The following RNF182 variants were observed in gnomAD, a reference collection of about 807,000 sequenced individuals.
RNF182 encodes the protein E3 ubiquitin-protein ligase RNF182.
RNF182 carries 15 observed loss-of-function variants against 14.4 expected under a neutral mutation model. The ratio of observed to expected loss-of-function variants is 1.04; its 90% CI spans 0.70 to 1.60. The LOEUF (loss-of-function observed/expected upper bound fraction) is 1.60, where lower values mean the gene tolerates loss of function less well. RNF182 is among the 40% of genes most tolerant of loss of function. The pLI is 0.00. For synonymous variants in RNF182, 128 were observed against 122.9 expected (o/e 1.04, Z -0.27); for missense variants, 268 against 294.8 (o/e 0.91, Z 0.67).
At chr6:13,927,425 G>A (rs1758857499) in intron 1 of RNF182, among the ~76,000 whole-genome samples, 1 of 152,186 alleles carries the variant, frequency 6.6e-6, no homozygotes, top group South Asian at 2.1e-4. Flanking sequence ...CACGGGAGTA[G>A]GAGTCTTTTC....
intron 1 of RNF182, among the ~76,000 whole-genome samples, chr6:13,937,134 A>C (rs984475474): frequency 2.0e-5 from 3 of 152,250 alleles, no homozygotes; most frequent in African/African-American, 7.2e-5. Context: ...TTGTATAGAC[A>C]TAGGAAGCAT....
chr6:13,972,992 A>G (rs1760232170), intron 1 of RNF182, among the ~76,000 whole-genome samples: 3 of 152,198 alleles, frequency 2.0e-5, no homozygotes, highest in Admixed American at 6.5e-5. Context: ...CAGACATTCA[A>G]TGCCAGCCTG....
At chr6:13,931,285 G>A (rs1052887455) in intron 1 of RNF182, among the ~76,000 whole-genome samples, 61 of 152,124 alleles carry the variant, frequency 4.0e-4, no homozygotes, top group Admixed American at 3.9e-4. Context: ...AATGAACAAG[G>A]ACAAGGGCTA....
rs1240172309 is a variant in RNF182, at chr6:13,977,715, T to C, written c.596T>C (p.Leu199Ser). Reference sequence around the variant, plus strand: ...TTGCTCTACTTCAGCTCCTTACCCTTAGGAATCTACTTACTGGTGTCTAAG... The same window carrying C: ...TTGCTCTACTTCAGCTCCTTACCCTCAGGAATCTACTTACTGGTGTCTAAG... Reference protein sequence around the residue: ...LGLLYFSSLPLGIYLLVSKKV... With the variant: ...LGLLYFSSLPSGIYLLVSKKV... The change falls in exon 3 of 3, where the codon TTA becomes TCA. Residue 199 changes from leucine to serine, a missense_variant. By Grantham distance (145) the Leu-to-Ser change is moderately radical. Coordinates refer to ENST00000488300, the MANE Select transcript of RNF182 (RefSeq NM_152737.4). 11 of 1,614,038 alleles carry C rather than the reference T, an allele frequency of 6.8e-6. No homozygotes were observed. Among genetic ancestry groups the C allele is most frequent in the Non-Finnish European group, 9.3e-6 (11 of 1,180,020 alleles).
chr6:13,929,763 G>A (rs886800417), intron 1 of RNF182, among the ~76,000 whole-genome samples: 1 of 152,140 alleles, frequency 6.6e-6, no homozygotes, highest in Non-Finnish European at 1.5e-5. Context: ...TTTATGTCAA[G>A]GAATGCAGCA....
At chr6:13,948,655 TA>T (rs1343754576) in intron 1 of RNF182, among the ~76,000 whole-genome samples, 1 of 152,204 alleles carries the variant, frequency 6.6e-6, no homozygotes. Flanking sequence ...AGGTCCTACT[TA>T]AGTCCTAGTT....
At chr6:13,968,315 A>G (rs1187290126) in intron 1 of RNF182, among the ~76,000 whole-genome samples, 1 of 152,238 alleles carries the variant, frequency 6.6e-6, no homozygotes, top group Admixed American at 6.5e-5. Flanking sequence ...TTGAAAACCC[A>G]GAAGAAATGG....
At chr6:13,937,698 T>C (rs191100501) in intron 1 of RNF182, among the ~76,000 whole-genome samples, 14 of 152,346 alleles carry the variant, frequency 9.2e-5, no homozygotes, top group Admixed American at 8.5e-4. Context: ...TCATGGGTTA[T>C]ATGTATGATT....
At position 13,977,428 on chromosome 6, in the gene RNF182, GA is replaced by G; in HGVS notation, c.311del (p.Asn104ThrfsTer28). 6.2e-7 allele frequency: 1 copy of G among 1,614,168 alleles called. No homozygotes were observed. Among genetic ancestry groups the G allele is most frequent in the Non-Finnish European group, 8.5e-7 (1 of 1,180,028 alleles). ...GCAAAGGGAAGAAGTGCCTGCCAGA[GA>G]ACCCTACTGAGCTGCTGCTCACCCC... ...GGKGKKCLPENPTELLLTPKR... is the reference protein window; with the variant it reads ...GGKGKKCLPEXPTELLLTPKR... On this transcript the variant is annotated frameshift_variant, in exon 3 of 3. Coordinates refer to ENST00000488300, the MANE Select transcript of RNF182 (RefSeq NM_152737.4). LOFTEE classifies it high-confidence loss of function.
chr6:13,977,936 T>C lies in RNF182; in HGVS notation c.*73T>C, dbSNP rs1461967998. On this transcript the variant is annotated 3_prime_UTR_variant, in exon 3 of 3. Coordinates refer to ENST00000488300, the MANE Select transcript of RNF182 (RefSeq NM_152737.4). Reference sequence around the variant, plus strand: ...TGAAGTTAGATAATTTATAATTTATTTTCTTTTATGTTCTTTATGATTAGT... The same window carrying C: ...TGAAGTTAGATAATTTATAATTTATCTTCTTTTATGTTCTTTATGATTAGT... The C allele has an allele frequency of 1.4e-6, 2 of 1,431,986 alleles. No homozygotes were observed. The highest frequency in any genetic ancestry group is 1.9e-6 in the Non-Finnish European group (2 of 1,063,008). The allele number at this position is 1,431,986 out of a possible 1,614,324, so 88.7% of individuals were successfully genotyped here.
intron 1 of RNF182, among the ~76,000 whole-genome samples, chr6:13,957,140 A>G (rs1417496945): frequency 6.6e-6 from 1 of 152,212 alleles, no homozygotes; most frequent in African/African-American, 2.4e-5. Flanking sequence ...TACTTAATAT[A>G]CAATAAATAT....
At chr6:13,951,839 C>T (rs1289494460) in intron 1 of RNF182, among the ~76,000 whole-genome samples, 1 of 152,184 alleles carries the variant, frequency 6.6e-6, no homozygotes, top group Non-Finnish European at 1.5e-5. Context: ...TGCCACCCAA[C>T]AGGCTATGTG....
rs569196470 is a variant in RNF182, at chr6:13,944,283, T to C, written c.-367+19260T>C. ...GTTGGCTAGAACCAACAGTAAGTTA[T>C]TTTGGCTTAAGAAATAATTTGAGAA... On this transcript the variant is annotated intron_variant, in intron 1 of 2. Coordinates refer to ENST00000488300, the MANE Select transcript of RNF182 (RefSeq NM_152737.4). Among the ~76,000 whole-genome samples, 3 of 152,294 alleles carry C rather than the reference T, an allele frequency of 2.0e-5. No individual in the cohort carries two copies. The East Asian group carries it at 5.8e-4, about 29-fold the overall frequency.
At chr6:13,935,690 A>G (rs1389290053) in intron 1 of RNF182, among the ~76,000 whole-genome samples, 1 of 152,230 alleles carries the variant, frequency 6.6e-6, no homozygotes, top group Non-Finnish European at 1.5e-5. Flanking sequence ...TCTCTTAATC[A>G]TGATAATGTA....
At chr6:13,935,078 G>A (rs1759074555) in intron 1 of RNF182, among the ~76,000 whole-genome samples, 1 of 152,142 alleles carries the variant, frequency 6.6e-6, no homozygotes, top group Admixed American at 6.5e-5. Context: ...GGAAAGATGG[G>A]AGTAATTTGG....
intron 1 of RNF182, among the ~76,000 whole-genome samples, chr6:13,961,240 T>C (rs1048494712): frequency 1.3e-5 from 2 of 152,234 alleles, no homozygotes; most frequent in African/African-American, 4.8e-5. Context: ...TCAATGCATA[T>C]TCTGTCTACT....
At position 13,947,913 on chromosome 6, in the gene RNF182, A is replaced by G. The variant is rs138336609; in HGVS notation, c.-367+22890A>G. Among the ~76,000 whole-genome samples, 229 of 152,346 alleles carry G rather than the reference A, an allele frequency of 1.5e-3. 1 individual carries two copies. The highest frequency in any genetic ancestry group is 5.2e-3 in the African/African-American group (216 of 41,580). On this transcript the variant is annotated intron_variant, in intron 1 of 2. Transcript: ENST00000488300. ...GACTTATGTAAATAGCTATATCACC[A>G]TAAGTTAAAAATACTCACAAATAGT...
chr6:13,927,451 C>G (rs756118344), intron 1 of RNF182, among the ~76,000 whole-genome samples: 9 of 152,070 alleles, frequency 5.9e-5, no homozygotes, highest in Non-Finnish European at 1.0e-4. Flanking sequence ...TTTTAGCTTA[C>G]GGGTTTTAAT....
At chr6:13,925,652 A>G (rs1257053505) in intron 1 of RNF182, among the ~76,000 whole-genome samples, 2 of 152,190 alleles carry the variant, frequency 1.3e-5, no homozygotes, top group African/African-American at 4.8e-5. Flanking sequence ...AGCAGTACCG[A>G]TACTTTGTCA....
Sources: gnomAD v4.1 joint callset for allele counts (sites outside exome capture counted in the v4.1 genomes callset) on GRCh38, gnomAD v4.1.1 for gene constraint, MANE v1.5 for transcripts, NCBI Gene and HGNC (gene_info 2026-07-23, HGNC 2026-07-21) for gene names.